CELF2: variants seen among roughly 807,000 people sequenced by gnomAD.
CELF2 encodes CUG triplet repeat RNA-binding protein 2.
In CELF2, 8 loss-of-function variants were observed where a neutral mutation model predicts 62.6. The observed-to-expected ratio is 0.13, with a 90% CI of 0.07 to 0.23. The LOEUF (loss-of-function observed/expected upper bound fraction) is 0.23, where lower values mean the gene tolerates loss of function less well. Among genes scored for constraint, CELF2 ranks in the 10% least tolerant of loss-of-function variants. The pLI is 1.00. For synonymous variants in CELF2, 258 were observed against 250.0 expected, an observed-to-expected ratio of 1.03 and a Z score of -0.30; for missense variants, 333 against 671.0, an observed-to-expected ratio of 0.50 and a Z score of 5.56.
chr10:10,683,821 CA>C, the CELF2 span, among the ~76,000 whole-genome samples: 1 of 152,146 alleles, frequency 6.6e-6, no homozygotes, highest in Admixed American at 6.5e-5. Flanking sequence ...GAGAAGGTGA[CA>C]AAAAGCAATT....
At chr10:10,705,015 C>G in the CELF2 span, among the ~76,000 whole-genome samples, 2 of 151,884 alleles carry the variant, frequency 1.3e-5, no homozygotes, top group African/African-American at 2.4e-5. Flanking sequence ...ATGGCGAGAC[C>G]TGGTCTGTGC....
intron 2 of CELF2, among the ~76,000 whole-genome samples, chr10:11,167,058 A>G (rs1438736354): frequency 6.6e-6 from 1 of 152,236 alleles, no homozygotes; most frequent in African/African-American, 2.4e-5. Context: ...TGTCACCACA[A>G]ACTTGATTGC....
At chr10:10,719,585 T>A in the CELF2 span, among the ~76,000 whole-genome samples, 1 of 152,184 alleles carries the variant, frequency 6.6e-6, no homozygotes, top group Admixed American at 6.5e-5. Context: ...ATTGCTTTTA[T>A]ATGTTGCATG....
the CELF2 span, among the ~76,000 whole-genome samples, chr10:10,618,500 T>C: frequency 3.3e-4 from 50 of 152,152 alleles, no homozygotes; most frequent in East Asian, 2.5e-3. Context: ...CTCCAGCCCA[T>C]ATAATTGAGT....
intron 1 of CELF2, among the ~76,000 whole-genome samples, chr10:10,830,697 A>AT (rs56916421): frequency 3.1e-4 from 47 of 150,510 alleles, no homozygotes; most frequent in African/African-American, 6.3e-4. Flanking sequence ...TATTTCTTTT[A>AT]TTTTTTTTTT....
chr10:10,826,639 T>C (rs1407172192), intron 1 of CELF2, among the ~76,000 whole-genome samples: 1 of 152,130 alleles, frequency 6.6e-6, no homozygotes, highest in Non-Finnish European at 1.5e-5. Flanking sequence ...ATACTGTGAG[T>C]GGACAGAAGG....
At chr10:10,843,004 T>A (rs10737044) in intron 1 of CELF2, among the ~76,000 whole-genome samples, 82,393 of 151,802 alleles carry the variant, frequency 0.54, 23,745 homozygotes, top group East Asian at 0.74. Context: ...TGTCTGTTTC[T>A]CCTGTAGGTT....
chr10:11,096,337 G>T (rs2049865938), intron 1 of CELF2: 2 of 152,170 alleles, frequency 1.3e-5, no homozygotes, highest in Non-Finnish European at 2.9e-5. Context: ...ACAGAGGGAA[G>T]GGAGTCCGTC....
intron 8 of CELF2, among the ~76,000 whole-genome samples, chr10:11,276,830 G>C (rs1468106052): frequency 1.3e-5 from 2 of 152,258 alleles, no homozygotes; most frequent in African/African-American, 4.8e-5. Context: ...CCACAGGTCA[G>C]GATGCCAGCC....
chr10:11,258,573 T>A (rs556797408), intron 5 of CELF2, among the ~76,000 whole-genome samples: 16 of 152,204 alleles, frequency 1.1e-4, no homozygotes, highest in Non-Finnish European at 2.2e-4. Flanking sequence ...TTTCCCTGTT[T>A]GCCTCTCCCT....
At chr10:11,251,817 T>C (rs1160640601) in intron 4 of CELF2, among the ~76,000 whole-genome samples, 1 of 152,208 alleles carries the variant, frequency 6.6e-6, no homozygotes, top group South Asian at 2.1e-4. Context: ...AAGTATCCAG[T>C]GTGCTAAGTT....
At chr10:10,898,632 AAC>A (rs1187333162) in intron 1 of CELF2, among the ~76,000 whole-genome samples, 1 of 152,242 alleles carries the variant, frequency 6.6e-6, no homozygotes, top group Non-Finnish European at 1.5e-5. Flanking sequence ...ACATGAAACA[AAC>A]ACTGATAGGA....
At chr10:10,996,600 C>T (rs78677472) in intron 2 of CELF2, among the ~76,000 whole-genome samples, 1 of 152,162 alleles carries the variant, frequency 6.6e-6, no homozygotes, top group African/African-American at 2.4e-5. Flanking sequence ...ATGATCTCAT[C>T]GATGGCAAGG....
intron 3 of CELF2, among the ~76,000 whole-genome samples, chr10:11,226,676 C>T (rs962975683): frequency 6.6e-6 from 1 of 151,922 alleles, no homozygotes; most frequent in African/African-American, 2.4e-5. Context: ...GGCATCGGGG[C>T]ACCTGGCAGC....
chr10:10,928,092 C>G lies in CELF2; in HGVS notation c.89+8093C>G, dbSNP rs1355044518. Among the ~76,000 whole-genome samples, 2 of 152,148 alleles carry G rather than the reference C, an allele frequency of 1.3e-5. No homozygotes were observed. Among genetic ancestry groups the G allele is most frequent in the Admixed American group, 6.5e-5 (1 of 15,274 alleles). On this transcript the variant is annotated intron_variant, in intron 2 of 13. Coordinates refer to the CELF2 transcript ENST00000636488. The surrounding 1 kb of genome is among the most constrained non-coding windows in gnomAD (Gnocchi z 4.8). ...CCACAGAAAGTTCTCCTTTCACCACCCTATTAAGTAACCCCCCAACACACT... is the reference window on the plus strand; with the variant it reads ...CCACAGAAAGTTCTCCTTTCACCACGCTATTAAGTAACCCCCCAACACACT...
At chr10:11,111,598 G>T (rs1266025468) in intron 1 of CELF2, among the ~76,000 whole-genome samples, 2 of 152,060 alleles carry the variant, frequency 1.3e-5, no homozygotes, top group Admixed American at 1.3e-4. Flanking sequence ...GATTGGAGAG[G>T]ATTCTAAATG....
At position 10,848,804 on chromosome 10, in the gene CELF2, A is replaced by G. The variant is rs115987200; in HGVS notation, c.53+49987A>G. 4.1e-3 allele frequency among the ~76,000 whole-genome samples: 624 copies of G among 152,210 alleles called. 4 individuals are homozygous for G. Among genetic ancestry groups the G allele is most frequent in the African/African-American group, 0.014 (569 of 41,538 alleles). Reference sequence around the variant, plus strand: ...GTTTCTTCAACCATCTAGAAAACGGAGATTAGACCACAGGGTTGTAAGGGG... The same window carrying G: ...GTTTCTTCAACCATCTAGAAAACGGGGATTAGACCACAGGGTTGTAAGGGG... On this transcript the variant is annotated intron_variant, in intron 1 of 13. Coordinates refer to the CELF2 transcript ENST00000636488.
the CELF2 span, among the ~76,000 whole-genome samples, chr10:10,743,627 C>T: frequency 2.3e-3 from 348 of 152,262 alleles, 4 homozygotes; most frequent in African/African-American, 8.0e-3. Context: ...ATTTAGTGCA[C>T]GGGCAGCATC....
rs775101031 is a variant in CELF2 at position 11,165,481 on chromosome 10, G to C, written c.75-5G>C. On this transcript the variant is annotated splice_region_variant and splice_polypyrimidine_tract_variant and intron_variant, in intron 1 of 12. Transcript: ENST00000633077. The surrounding 1 kb of genome is among the most constrained non-coding windows in gnomAD (Gnocchi z 7.4). ...AACTCTGGCTCCCGGTTCCGTTTTT[G>C]ACAGTAACGGCACAGCCAACAAGAT... 6.2e-7 allele frequency: 1 copy of C among 1,606,662 alleles called. No homozygotes were observed.
Sources: allele counts gnomAD v4.1 joint callset (sites outside exome capture counted in the v4.1 genomes callset), GRCh38; gene constraint gnomAD v4.1.1; non-coding constraint Gnocchi (gnomAD v3.1); transcripts MANE v1.5; gene names NCBI Gene and HGNC (gene_info 2026-07-23, HGNC 2026-07-21).